PNPLA8: variants seen among roughly 807,000 people sequenced by gnomAD.
PNPLA8 encodes patatin like domain 8, phospholipase A2.
In PNPLA8, 39 loss-of-function variants were observed where a neutral mutation model predicts 76.9. The ratio of observed to expected loss-of-function variants is 0.51; its 90% confidence interval spans 0.39 to 0.66. PNPLA8 has a LOEUF of 0.66. Ranked by LOEUF, PNPLA8 falls within the 30% of genes least tolerant of loss-of-function variation. PNPLA8 has a pLI of 0.00. For synonymous variants in PNPLA8, 301 were observed against 307.9 expected (o/e 0.98, Z 0.24); for missense variants, 887 against 918.0 (o/e 0.97, Z 0.44).
At chr7:108,477,524 G>T (rs535486301) in intron 10 of PNPLA8, among the ~76,000 whole-genome samples, 1 of 152,044 alleles carries the variant, frequency 6.6e-6, no homozygotes, top group Non-Finnish European at 1.5e-5. Context: ...TTAGTAAAAC[G>T]TTTCACCCAA....
At chr7:108,518,750 T>TAC in intron 2 of PNPLA8, among the ~76,000 whole-genome samples, 1 of 123,946 alleles carries the variant, frequency 8.1e-6, no homozygotes, top group Admixed American at 8.2e-5. Context: ...TATATATATA[T>TAC]ATATATATAC....
chr7:108,501,974 C>G (rs755904019), intron 5 of PNPLA8, among the ~76,000 whole-genome samples: 2 of 151,936 alleles, frequency 1.3e-5, no homozygotes, highest in Non-Finnish European at 2.9e-5. Flanking sequence ...AAATCAAATA[C>G]AAAAATATAA....
chr7:108,488,875 G>A (rs1359596856), intron 8 of PNPLA8, among the ~76,000 whole-genome samples: 2 of 152,310 alleles, frequency 1.3e-5, no homozygotes, highest in East Asian at 1.9e-4. Context: ...GACAGGTATT[G>A]ATGAGGCCAA....
At chr7:108,498,016 A>G (rs1173371984) in intron 5 of PNPLA8, among the ~76,000 whole-genome samples, 3 of 149,850 alleles carry the variant, frequency 2.0e-5, no homozygotes, top group African/African-American at 4.9e-5. Flanking sequence ...AAAAAAAAAA[A>G]GTAAAAAGAA....
rs1392764530 is a variant in PNPLA8 at position 108,472,685 on chromosome 7, CA to C, written c.2075-11del. On this transcript the variant is annotated splice_polypyrimidine_tract_variant and intron_variant, in intron 10 of 10. Transcript: ENST00000257694. ...AGCATTATATGGACTTCTGTTAAAGCAAAAAAGAAAAGGATAAGGGGATAAG... is the reference window on the plus strand; with the variant it reads ...AGCATTATATGGACTTCTGTTAAAGCAAAAAGAAAAGGATAAGGGGATAAG... The C allele has an allele frequency of 6.5e-7, 1 of 1,547,648 alleles. No individual in the cohort carries two copies. The highest frequency in any genetic ancestry group is 2.3e-5 in the East Asian group (1 of 43,782).
At chr7:108,476,897 G>C (rs182941548) in intron 10 of PNPLA8, among the ~76,000 whole-genome samples, 1 of 152,078 alleles carries the variant, frequency 6.6e-6, no homozygotes, top group Non-Finnish European at 1.5e-5. Flanking sequence ...AGGAAAATGA[G>C]TAGTGCACAG....
intron 4 of PNPLA8, among the ~76,000 whole-genome samples, chr7:108,512,402 T>C (rs1223334403): frequency 1.3e-5 from 2 of 152,156 alleles, no homozygotes; most frequent in African/African-American, 4.8e-5. Context: ...TTAAAAAACA[T>C]AATGAAAGGA....
intron 4 of PNPLA8, among the ~76,000 whole-genome samples, chr7:108,511,568 G>A (rs1862936570): frequency 2.0e-5 from 3 of 152,184 alleles, no homozygotes; most frequent in Non-Finnish European, 2.9e-5. Flanking sequence ...TCCAGAAAGC[G>A]AGTCTTTCTG....
intron 4 of PNPLA8, among the ~76,000 whole-genome samples, chr7:108,509,959 T>C (rs1263025045): frequency 5.2e-5 from 7 of 135,234 alleles, no homozygotes; most frequent in Non-Finnish European, 1.1e-4. Flanking sequence ...TTCTCACTCA[T>C]AGATGGGAAT....
chr7:108,504,372 T>C (rs563806134), intron 4 of PNPLA8, among the ~76,000 whole-genome samples: 1 of 152,244 alleles, frequency 6.6e-6, no homozygotes, highest in East Asian at 1.9e-4. Context: ...AATAAAATTA[T>C]CAAAATATAT....
At chr7:108,480,412 C>T (rs1463038849) in intron 9 of PNPLA8, among the ~76,000 whole-genome samples, 2 of 152,094 alleles carry the variant, frequency 1.3e-5, no homozygotes, top group Non-Finnish European at 2.9e-5. Flanking sequence ...AAAAACATAT[C>T]TGATTTAAGA....
At chr7:108,498,223 T>C (rs1034329328) in intron 5 of PNPLA8, among the ~76,000 whole-genome samples, 5 of 151,416 alleles carry the variant, frequency 3.3e-5, no homozygotes, top group African/African-American at 1.2e-4. Context: ...CTTACTAACA[T>C]AGTTGGTCAC....
intron 2 of PNPLA8, among the ~76,000 whole-genome samples, chr7:108,518,680 A>C (rs1332185952): frequency 6.7e-6 from 1 of 149,974 alleles, no homozygotes; most frequent in African/African-American, 2.4e-5. Flanking sequence ...AGTCTTTAAA[A>C]AAAAGCAATC....
At chr7:108,511,161 T>C (rs1460658778) in intron 4 of PNPLA8, among the ~76,000 whole-genome samples, 4 of 152,142 alleles carry the variant, frequency 2.6e-5, no homozygotes, top group Admixed American at 2.6e-4. Context: ...CTTCAGTTGA[T>C]GAAGGAAGGC....
chr7:108,502,542 G>A lies in PNPLA8; in HGVS notation c.1307C>T (p.Pro436Leu), dbSNP rs145264868. 6 of 1,611,130 alleles carry A rather than the reference G, an allele frequency of 3.7e-6. No homozygotes were observed. The African/African-American group carries it at 8.1e-5, about 22-fold the overall frequency. The stretch of plus-strand genomic sequence containing the variant: ...AATTCGGATTCCTCTCCCTTTCACT[G>A]GATCCACATAGCCAATTAGGGCCAA... Reference protein sequence around the residue: ...EILALIGYVDPVKGRGIRILS... With the variant: ...EILALIGYVDLVKGRGIRILS... The change falls in exon 5 of 11, where the codon CCA (proline) becomes CTA (leucine). Residue 436 changes from proline to leucine, a missense_variant. By Grantham distance (98) the Pro-to-Leu change is moderately conservative. Coordinates refer to ENST00000257694, the MANE Select transcript of PNPLA8 (RefSeq NM_001256007.3).
At chr7:108,498,138 A>C (rs988371589) in intron 5 of PNPLA8, among the ~76,000 whole-genome samples, 16 of 151,520 alleles carry the variant, frequency 1.1e-4, no homozygotes, top group Admixed American at 3.9e-4. Context: ...AAAAACAAAA[A>C]AAAAAACAAA....
At chr7:108,522,948 T>A (rs1863846823) in intron 1 of PNPLA8, among the ~76,000 whole-genome samples, 1 of 152,136 alleles carries the variant, frequency 6.6e-6, no homozygotes, top group Non-Finnish European at 1.5e-5. Context: ...ATCAATAAGT[T>A]TAATTGCCCC....
chr7:108,496,387 C>A, intron 7 of PNPLA8, 197 bp downstream of exon 7: 1 of 419,010 alleles, frequency 2.4e-6, no homozygotes. Context: ...ACACAAACCC[C>A]CCAAAACAAT....
chr7:108,487,344 A>G (rs753874298), intron 9 of PNPLA8, among the ~76,000 whole-genome samples: 12 of 152,194 alleles, frequency 7.9e-5, no homozygotes, highest in Non-Finnish European at 1.8e-4. Flanking sequence ...CACACAGCTA[A>G]CTTAATGAGT....
Sources: gnomAD v4.1 joint callset for allele counts (sites outside exome capture counted in the v4.1 genomes callset) on GRCh38, gnomAD v4.1.1 for gene constraint, MANE v1.5 for transcripts, NCBI Gene and HGNC (gene_info 2026-07-23, HGNC 2026-07-21) for gene names.